The following PAN3 variants were observed in gnomAD, a reference collection of about 807,000 sequenced individuals.
PAN3 encodes the protein PAN2-PAN3 deadenylation complex subunit PAN3.
Under a neutral mutation model 96.2 loss-of-function variants are expected in PAN3, and 19 were observed. The ratio of observed to expected loss-of-function variants is 0.20; its 90% CI spans 0.14 to 0.29. PAN3 has a LOEUF of 0.29. PAN3 is among the 10% of genes least tolerant of loss of function. PAN3 has a pLI of 1.00. For synonymous variants in PAN3, 433 were observed against 406.6 expected (o/e 1.06, Z -0.78); for missense variants, 882 against 1,108.1 (o/e 0.80, Z 2.90).
intron 4 of PAN3, among the ~76,000 whole-genome samples, chr13:28,190,447 G>T (rs1192906094): frequency 6.6e-6 from 1 of 151,644 alleles, no homozygotes; most frequent in Non-Finnish European, 1.5e-5. Context: ...TAGAGATTGG[G>T]GGGTTCTCAC....
intron 5 of PAN3, among the ~76,000 whole-genome samples, chr13:28,209,488 C>A (rs1879774642): frequency 6.6e-6 from 1 of 152,132 alleles, no homozygotes; most frequent in Non-Finnish European, 1.5e-5. Flanking sequence ...TGTCTCTTTT[C>A]ATGTTTAATA....
chr13:28,181,504 C>CAAA (rs894039087), intron 4 of PAN3, among the ~76,000 whole-genome samples: 24 of 56,992 alleles, frequency 4.2e-4, no homozygotes, highest in Admixed American at 5.4e-4. Flanking sequence ...AACCCTGTCT[C>CAAA]AAAAAAAAAA....
chr13:28,218,536 G>A (rs996200635), intron 5 of PAN3, among the ~76,000 whole-genome samples: 3 of 152,128 alleles, frequency 2.0e-5, no homozygotes, highest in Admixed American at 6.5e-5. Context: ...AAGTTACAGT[G>A]TTGTATGTAA....
intron 17 of PAN3, 143 bp from the exon 18 acceptor site, chr13:28,287,841 T>G (rs1375488440): frequency 1.5e-6 from 1 of 658,594 alleles, no homozygotes; most frequent in Admixed American, 3.9e-5. Flanking sequence ...AGTTAGATTA[T>G]TTTTTAAAAA....
intron 17 of PAN3, 50 bp from the exon 18 acceptor site, chr13:28,287,934 C>T: frequency 6.5e-6 from 10 of 1,528,102 alleles, no homozygotes; most frequent in Non-Finnish European, 8.8e-6. Flanking sequence ...GACATATGGC[C>T]ACAGACCATA....
In PAN3 at chr13:28,260,542, A is replaced by G. The variant is rs751698140; in HGVS notation, c.1344A>G (p.Glu448=). The G allele has an allele frequency of 1.2e-6, 2 of 1,608,848 alleles. No individual in the cohort carries two copies. Among genetic ancestry groups the G allele is most frequent in the Non-Finnish European group, 8.5e-7 (1 of 1,175,386 alleles). Residue 448 remains glutamate (E), a synonymous_variant, in exon 8 of 19, where the codon GAA becomes GAG. Transcript: ENST00000380958. ...ANAPSFFMAD[E]LRQELINRHL... is the part of the protein sequence containing the mutation. Reference sequence around the variant, plus strand: ...CACCTTCCTTCTTCATGGCTGATGAACTCCGACAGGTATGCTTTCAGAATT... The same window carrying G: ...CACCTTCCTTCTTCATGGCTGATGAGCTCCGACAGGTATGCTTTCAGAATT...
At chr13:28,216,183 A>G (rs1396453547) in intron 5 of PAN3, among the ~76,000 whole-genome samples, 1 of 150,886 alleles carries the variant, frequency 6.6e-6, no homozygotes, top group Non-Finnish European at 1.5e-5. Context: ...AGACCCATTA[A>G]AACAAAGTTT....
chr13:28,193,691 T>C (rs186296095), intron 4 of PAN3, among the ~76,000 whole-genome samples: 35 of 137,124 alleles, frequency 2.6e-4, no homozygotes, highest in African/African-American at 8.4e-4. Context: ...TGCAGTGAGC[T>C]GAGATTGCAC....
chr13:28,238,359 G>T, intron 6 of PAN3, among the ~76,000 whole-genome samples: 1 of 152,164 alleles, frequency 6.6e-6, no homozygotes, highest in Non-Finnish European at 1.5e-5. Flanking sequence ...CCTTTTGAAA[G>T]GTTGGGAAAG....
intron 1 of PAN3, among the ~76,000 whole-genome samples, chr13:28,150,235 G>A (rs1871195282): frequency 6.6e-6 from 1 of 152,132 alleles, no homozygotes; most frequent in African/African-American, 2.4e-5. Flanking sequence ...ATGGGACAGG[G>A]AATCTTCTGC....
chr13:28,267,135 C>A lies in PAN3; in HGVS notation c.1614C>A (p.Asp538Glu). Residue 538 changes from aspartate (D) to glutamate (E), a missense_variant, in exon 11 of 19, where the codon GAC becomes GAA. By Grantham distance (45) the Asp-to-Glu change is conservative (BLOSUM62 2). Coordinates refer to ENST00000380958, the MANE Select transcript of PAN3 (RefSeq NM_175854.8). ...ACACAAAGTGCATGGTGTTGGTCGA[C>A]ATGTGGAAGAAAATTCAACACTCAA... ...LVNTKCMVLVDMWKKIQHSNI... is the reference protein window; with the variant it reads ...LVNTKCMVLVEMWKKIQHSNI... 1 of 1,612,780 alleles carries A rather than the reference C, an allele frequency of 6.2e-7. No homozygotes were observed. The highest frequency in any genetic ancestry group is 8.5e-7 in the Non-Finnish European group (1 of 1,178,950).
At chr13:28,152,037 G>A (rs898309260) in intron 1 of PAN3, among the ~76,000 whole-genome samples, 1 of 152,110 alleles carries the variant, frequency 6.6e-6, no homozygotes. Flanking sequence ...CAAATCTATT[G>A]ATAAATCAGT....
At chr13:28,239,750 AATC>A in intron 6 of PAN3, 1 of 1,029,096 alleles carries the variant, frequency 9.7e-7, no homozygotes, top group Non-Finnish European at 1.3e-6. Context: ...TAATTCCCCT[AATC>A]ATAAGGGGTT....
intron 6 of PAN3, among the ~76,000 whole-genome samples, chr13:28,242,579 G>T (rs1045146414): frequency 4.6e-5 from 7 of 152,144 alleles, no homozygotes; most frequent in African/African-American, 1.7e-4. Flanking sequence ...TCATCAAGAA[G>T]GTATTTCAGA....
chr13:28,147,634 G>A (rs1870843851), intron 1 of PAN3, among the ~76,000 whole-genome samples: 1 of 152,274 alleles, frequency 6.6e-6, no homozygotes, highest in African/African-American at 2.4e-5. Context: ...TGCTGCCATT[G>A]TGCAACTTTG....
intron 6 of PAN3, among the ~76,000 whole-genome samples, chr13:28,250,231 G>C (rs1884594249): frequency 6.7e-6 from 1 of 148,338 alleles, no homozygotes; most frequent in Non-Finnish European, 1.5e-5. Context: ...GCATCTCTCT[G>C]TCACCCAGGC....
intron 17 of PAN3, among the ~76,000 whole-genome samples, chr13:28,285,007 A>G (rs923609602): frequency 1.1e-4 from 17 of 152,168 alleles, no homozygotes; most frequent in Non-Finnish European, 2.2e-4. Context: ...GTTGATGTCT[A>G]CTTTTGTATT....
At chr13:28,259,092 AT>A (rs1885459033) in intron 7 of PAN3, among the ~76,000 whole-genome samples, 2 of 151,804 alleles carry the variant, frequency 1.3e-5, no homozygotes, top group African/African-American at 4.8e-5. Context: ...TGGAGCTTAA[AT>A]TTTACTGTAT....
At chr13:28,155,721 A>T (rs1010068201) in intron 1 of PAN3, among the ~76,000 whole-genome samples, 1 of 152,234 alleles carries the variant, frequency 6.6e-6, no homozygotes, top group African/African-American at 2.4e-5. Context: ...CACATCTCAT[A>T]TATACACACA....
Sources: allele counts gnomAD v4.1 joint callset (sites outside exome capture counted in the v4.1 genomes callset), GRCh38; gene constraint gnomAD v4.1.1; transcripts MANE v1.5; gene names NCBI Gene and HGNC (gene_info 2026-07-23, HGNC 2026-07-21).